Variants in P3H1 observed in about 807,000 individuals in gnomAD.
P3H1 encodes the protein growth suppressor 1.
Under a neutral mutation model 84.0 loss-of-function variants are expected in P3H1, and 69 were observed. The ratio of observed to expected loss-of-function variants is 0.82; its 90% CI spans 0.68 to 1.00. P3H1 has a LOEUF of 1.00. P3H1 is among the 50% of genes least tolerant of loss of function. P3H1 has a pLI of 0.00. For missense variants in P3H1, 878 were observed against 962.8 expected (o/e 0.91, Z 1.17); for synonymous variants, 366 against 388.8 (o/e 0.94, Z 0.69).
chr1:42,747,258 C>A lies in P3H1; in HGVS notation c.2055+14G>T, dbSNP rs368488426. On this transcript the variant is annotated intron_variant, in intron 14 of 14. Coordinates refer to ENST00000296388, the MANE Select transcript of P3H1 (RefSeq NM_022356.4). ...ACAGCACCAGCTGCTCTCACCCGCT[C>A]GAGCTGCTCTCACCCGCTCGCTGTG... 6.2e-7 allele frequency: 1 copy of A among 1,613,512 alleles called. No homozygotes were observed. Among genetic ancestry groups the A allele is most frequent in the Admixed American group, 1.7e-5 (1 of 60,008 alleles).
intron 5 of P3H1, chr1:42,756,270 A>G (rs980984711): frequency 6.4e-6 from 1 of 155,264 alleles, no homozygotes; most frequent in African/African-American, 2.4e-5. Flanking sequence ...CCTAAAGCCC[A>G]TGTGCTTTCT....
At chr1:42,753,788 T>C (rs1023374324) in intron 8 of P3H1, among the ~76,000 whole-genome samples, 6 of 152,050 alleles carry the variant, frequency 3.9e-5, no homozygotes, top group Admixed American at 3.9e-4. Context: ...CCAGGCATGG[T>C]GCCACATGCC....
intron 1 of P3H1, among the ~76,000 whole-genome samples, chr1:42,764,384 G>A (rs551481992): frequency 7.2e-6 from 1 of 139,070 alleles, no homozygotes; most frequent in South Asian, 2.2e-4. Flanking sequence ...AGCCAAGGTC[G>A]CCACTGCACT....
At chr1:42,765,794 T>C (rs1440931261) in intron 1 of P3H1, among the ~76,000 whole-genome samples, 1 of 151,796 alleles carries the variant, frequency 6.6e-6, no homozygotes, top group Non-Finnish European at 1.5e-5. Flanking sequence ...CAAGATATTA[T>C]GAAGATTAGG....
chr1:42,758,332 T>A (rs1199598969), intron 4 of P3H1, among the ~76,000 whole-genome samples: 1 of 152,236 alleles, frequency 6.6e-6, no homozygotes, highest in African/African-American at 2.4e-5. Context: ...AAGATTACAA[T>A]AGCAGATTGT....
intron 13 of P3H1, 23 bp downstream of exon 13, chr1:42,747,700 G>C (rs776904610): frequency 6.2e-7 from 1 of 1,612,306 alleles, no homozygotes; most frequent in East Asian, 2.2e-5. Context: ...ATCTCCCAGG[G>C]ACAAGGACAA....
rs780210200 is a variant in P3H1 at position 42,758,892 on chromosome 1, G to C, written c.900C>G (p.Leu300=). 9 of 1,614,180 alleles carry C rather than the reference G, an allele frequency of 5.6e-6. No individual in the cohort carries two copies. Among genetic ancestry groups the C allele is most frequent in the Non-Finnish European group, 6.8e-6 (8 of 1,180,002 alleles). ...PSREKPFEDF[L]PSHYNYLQFA... is the part of the protein sequence containing the mutation. ...ACTGCAGATAATTATAATGCGATGG[G>C]AGGAAGTCTTCAAAGGGCTTCTCTC... is the stretch of plus-strand genomic sequence containing the variant. The change falls in exon 4 of 15, where the codon CTC becomes CTG. Residue 300 remains leucine, a synonymous_variant. Coordinates refer to ENST00000296388, the MANE Select transcript of P3H1 (RefSeq NM_022356.4).
chr1:42,759,886 A>C (rs1206700549), intron 2 of P3H1: 2 of 164,450 alleles, frequency 1.2e-5, no homozygotes, highest in Non-Finnish European at 2.7e-5. Flanking sequence ...CTGGCCAAAA[A>C]ACATTTAACT....
chr1:42,748,362 A>T, intron 11 of P3H1, 45 bp from the exon 12 acceptor site: 2 of 1,396,464 alleles, frequency 1.4e-6, no homozygotes, highest in Non-Finnish European at 2.0e-6. Flanking sequence ...ACCTCGGGAG[A>T]CGGCATAGCT....
At chr1:42,755,053 C>T in intron 7 of P3H1, 63 bp from the exon 8 acceptor site, 2 of 1,614,034 alleles carry the variant, frequency 1.2e-6, no homozygotes, top group African/African-American at 1.3e-5. Context: ...ACCCCGACTT[C>T]CCAAACTGGA....
chr1:42,762,530 T>A, intron 1 of P3H1, 55 bp from the exon 2 acceptor site: 1 of 1,586,464 alleles, frequency 6.3e-7, no homozygotes, highest in African/African-American at 1.3e-5. Context: ...TCTGAACGTT[T>A]GTGTCCACAT....
intron 10 of P3H1, chr1:42,751,960 C>T: frequency 2.5e-6 from 1 of 405,530 alleles, no homozygotes; most frequent in Non-Finnish European, 4.7e-6. Context: ...TCCTTCTTAT[C>T]TCTCTTTATG....
rs35500164 is a variant in P3H1, at chr1:42,750,190, G to A, written c.1716C>T (p.Ile572=). The A allele has an allele frequency of 1.0e-3, 1,666 of 1,611,888 alleles. 20 individuals are homozygous for A. In the African/African-American group the frequency reaches 0.019, roughly 18 times the overall value. The change falls in exon 11 of 15, where the codon ATC becomes ATT. Residue 572 remains isoleucine (I), a synonymous_variant. Transcript: ENST00000296388. ...SYSHLVCRTA[I]EEVQAERKDD... Reference sequence around the variant, plus strand: ...TGCAGGGGTAATGAGGCCCACCTTCGATGGCAGTGCGGCACACCAGATGAG... The same window carrying A: ...TGCAGGGGTAATGAGGCCCACCTTCAATGGCAGTGCGGCACACCAGATGAG...
chr1:42,754,862 C>G lies in P3H1; in HGVS notation c.1345+7G>C. 1 of 1,614,178 alleles carries G rather than the reference C, an allele frequency of 6.2e-7. No individual in the cohort carries two copies. Among genetic ancestry groups the G allele is most frequent in the Non-Finnish European group, 8.5e-7 (1 of 1,180,008 alleles). Reference sequence around the variant, plus strand: ...AGCCAGACATGCCCCTATTTCTGTCCTCTCACCTTCCCGGGTCAGTCTGCT... The same window carrying G: ...AGCCAGACATGCCCCTATTTCTGTCGTCTCACCTTCCCGGGTCAGTCTGCT... On this transcript the variant is annotated splice_region_variant and intron_variant, in intron 8 of 14. Transcript: ENST00000296388. This position sits in a 1 kb window ranked among gnomAD's most constrained non-coding sequence, Gnocchi z 4.0.
At chr1:42,753,474 GTGTACCAGGAAC>G (rs1652220891) in intron 8 of P3H1, among the ~76,000 whole-genome samples, 1 of 152,206 alleles carries the variant, frequency 6.6e-6, no homozygotes, top group Non-Finnish European at 1.5e-5. Context: ...AGGCCTCAGT[GTGTACCAGGAAC>G]TGTGCCAGAT....
chr1:42,758,911 T>G lies in P3H1; in HGVS notation c.881A>C (p.Lys294Thr), dbSNP rs1652548484. ...TELASHPSRE[K>T]PFEDFLPSHY... ...CGATGGGAGGAAGTCTTCAAAGGGC[T>G]TCTCTCGACTTGGGTGGGAAGCAAG... Residue 294 changes from lysine (K) to threonine (T), a missense_variant, in exon 4 of 15, where the codon AAG (lysine) becomes ACG (threonine). Transcript: ENST00000296388. The G allele has an allele frequency of 6.2e-7, 1 of 1,614,160 alleles. No individual in the cohort carries two copies. Among genetic ancestry groups the G allele is most frequent in the African/African-American group, 1.3e-5 (1 of 75,046 alleles).
At chr1:42,765,493 C>T (rs947821255) in intron 1 of P3H1, among the ~76,000 whole-genome samples, 1 of 152,212 alleles carries the variant, frequency 6.6e-6, no homozygotes. Flanking sequence ...GTATGCAATA[C>T]ATGTTTGTCA....
intron 1 of P3H1, among the ~76,000 whole-genome samples, chr1:42,764,069 G>T (rs985729547): frequency 2.0e-5 from 3 of 151,390 alleles, no homozygotes; most frequent in Admixed American, 2.0e-4. Flanking sequence ...GGCGGAGGTT[G>T]CAGTGAGCCG....
In P3H1 at chr1:42,755,590, A is replaced by G; in HGVS notation, c.1128T>C (p.Leu376=). ...TTCCAAAAACATCATAAGCGAAGAA[A>G]AGCAGTTCTTTTTCCAGTAGGCTTC... The part of the protein sequence containing the change: ...RQRSLLEKEL[L]FFAYDVFGIP... Residue 376 remains leucine, a synonymous_variant, in exon 6 of 15, where the codon CTT becomes CTC. Coordinates refer to ENST00000296388, the MANE Select transcript of P3H1 (RefSeq NM_022356.4). 6.2e-7 allele frequency: 1 copy of G among 1,614,148 alleles called. No homozygotes were observed. Among genetic ancestry groups the G allele is most frequent in the Non-Finnish European group, 8.5e-7 (1 of 1,179,994 alleles).
Sources: gnomAD v4.1 joint callset for allele counts (sites outside exome capture counted in the v4.1 genomes callset) on GRCh38, gnomAD v4.1.1 for gene constraint, Gnocchi (gnomAD v3.1) non-coding constraint, MANE v1.5 for transcripts, NCBI Gene and HGNC (gene_info 2026-07-23, HGNC 2026-07-21) for gene names.